DNAH9: variants seen among roughly 807,000 people sequenced by gnomAD.
DNAH9 encodes DNAH9 variant protein.
Under a neutral mutation model 471.6 loss-of-function variants are expected in DNAH9, and 345 were observed. That is an observed-to-expected ratio of 0.73 (90% confidence interval 0.67 to 0.80). The LOEUF (loss-of-function observed/expected upper bound fraction) is 0.80, where lower values mean the gene tolerates loss of function less well. Among genes scored for constraint, DNAH9 ranks in the 30% least tolerant of loss-of-function variants. The pLI, the probability that DNAH9 is intolerant of heterozygous loss-of-function variation, is 0.00. For missense variants in DNAH9, 5,407 were observed against 5,609.2 expected (o/e 0.96, Z 1.15); for synonymous variants, 2,093 against 2,123.6 (o/e 0.99, Z 0.40).
chr17:11,728,005 C>A (rs899017554), intron 28 of DNAH9, 83 bp downstream of exon 28: 21 of 865,528 alleles, frequency 2.4e-5, no homozygotes, highest in South Asian at 2.7e-5. Context: ...TTCTACCTCT[C>A]CTGAGCATCT....
intron 26 of DNAH9, among the ~76,000 whole-genome samples, chr17:11,708,614 C>T (rs2074773388): frequency 6.6e-6 from 1 of 152,102 alleles, no homozygotes; most frequent in African/African-American, 2.4e-5. Context: ...AAGTGGTTCC[C>T]ACCTTTTCAT....
chr17:11,830,834 A>C (rs57240335), intron 48 of DNAH9, among the ~76,000 whole-genome samples: 2 of 152,048 alleles, frequency 1.3e-5, no homozygotes, highest in Non-Finnish European at 2.9e-5. Flanking sequence ...TGGTTTTCCC[A>C]TAGCTGAAGA....
chr17:11,703,597 A>G (rs749791065), intron 24 of DNAH9, among the ~76,000 whole-genome samples: 3 of 152,260 alleles, frequency 2.0e-5, no homozygotes, highest in Non-Finnish European at 4.4e-5. Flanking sequence ...ATGTATTTCA[A>G]TTGCTTTTTC....
At chr17:11,859,230 T>TG (rs1971741138) in intron 50 of DNAH9, among the ~76,000 whole-genome samples, 1 of 151,760 alleles carries the variant, frequency 6.6e-6, no homozygotes, top group Admixed American at 6.6e-5. Flanking sequence ...TCGGCCCACA[T>TG]GGTGAAACCC....
chr17:11,936,642 A>T (rs1162530713), intron 65 of DNAH9, among the ~76,000 whole-genome samples: 4 of 152,114 alleles, frequency 2.6e-5, no homozygotes, highest in African/African-American at 9.6e-5. Context: ...AGCCTGTCTC[A>T]CACACACACA....
chr17:11,679,857 C>T lies in DNAH9; in HGVS notation c.3454C>T (p.Leu1152Phe), dbSNP rs1454119078. 1 of 1,613,972 alleles carries T rather than the reference C, an allele frequency of 6.2e-7. No homozygotes were observed. The highest frequency in any genetic ancestry group is 2.2e-5 in the East Asian group (1 of 44,864). ...FQGLVEIMGH[L>F]MAVKERQSNT... ...AGGCTTGGTTGAGATCATGGGACAC[C>T]TTATGGCTGTTAAAGAACGGCAGAG... Residue 1152 changes from leucine (L) to phenylalanine (F), a missense_variant, in exon 18 of 69, where the codon CTT becomes TTT. Physicochemically the swap from Leu to Phe is conservative, Grantham distance 22. This residue lies in a region of DNAH9 where 4,636 missense variants were observed against 4,900.3 expected (regional missense o/e 0.95). Transcript: ENST00000262442.
At chr17:11,693,069 CTTTTTTT>C (rs35936347) in intron 20 of DNAH9, among the ~76,000 whole-genome samples, 1 of 101,336 alleles carries the variant, frequency 9.9e-6, no homozygotes, top group African/African-American at 3.7e-5. Flanking sequence ...CCATGACCGG[CTTTTTTT>C]TTTTTTTTTT....
intron 39 of DNAH9, among the ~76,000 whole-genome samples, chr17:11,782,204 A>T (rs1455728779): frequency 6.6e-6 from 1 of 152,176 alleles, no homozygotes; most frequent in African/African-American, 2.4e-5. Context: ...CTGACATCTG[A>T]GCAGCTTAAT....
intron 41 of DNAH9, among the ~76,000 whole-genome samples, chr17:11,793,142 A>G (rs980001141): frequency 1.3e-5 from 2 of 152,242 alleles, no homozygotes; most frequent in African/African-American, 4.8e-5. Flanking sequence ...AATTTGAATT[A>G]TTTAGACAAC....
chr17:11,851,249 T>A (rs1367845669), intron 49 of DNAH9, among the ~76,000 whole-genome samples: 1 of 152,170 alleles, frequency 6.6e-6, no homozygotes, highest in East Asian at 1.9e-4. Context: ...TCAGAGTAGC[T>A]GGGGTTACAG....
chr17:11,924,616 C>CTTTTTTTTTTTT (rs756191140), intron 62 of DNAH9, among the ~76,000 whole-genome samples: 8 of 91,958 alleles, frequency 8.7e-5, no homozygotes, highest in Admixed American at 1.4e-4. Flanking sequence ...ACTACTAACT[C>CTTTTTTTTTTTT]TTTTTTTTTT....
At chr17:11,724,653 T>A (rs2075121743) in intron 27 of DNAH9, among the ~76,000 whole-genome samples, 1 of 152,224 alleles carries the variant, frequency 6.6e-6, no homozygotes, top group Non-Finnish European at 1.5e-5. Flanking sequence ...GAATTTCCAC[T>A]TAGTATTTGT....
At chr17:11,603,688 C>T (rs8067905) in intron 1 of DNAH9, among the ~76,000 whole-genome samples, 33,988 of 152,092 alleles carry the variant, frequency 0.22, 4,444 homozygotes, top group East Asian at 0.55. Context: ...ATGTTTATGA[C>T]CCCCTTCATA....
At chr17:11,961,170 C>T (rs1278426694) in intron 67 of DNAH9, among the ~76,000 whole-genome samples, 1 of 151,930 alleles carries the variant, frequency 6.6e-6, no homozygotes, top group Non-Finnish European at 1.5e-5. Flanking sequence ...CAAAAATTAG[C>T]CGGGTGTGGT....
rs1464001568 is a variant in DNAH9, at chr17:11,653,017, A to G, written c.2595+15A>G. The stretch of plus-strand genomic sequence containing the variant: ...CCCTTGTTCAGGTAATAACCCAGCC[A>G]CTCAGGCGCACATACTACGAGTTTA... On this transcript the variant is annotated intron_variant, in intron 14 of 68. Coordinates refer to ENST00000262442, the MANE Select transcript of DNAH9 (RefSeq NM_001372.4). 6.2e-7 allele frequency: 1 copy of G among 1,612,196 alleles called. No individual in the cohort carries two copies.
chr17:11,694,116 C>T lies in DNAH9; in HGVS notation c.4745+118C>T, dbSNP rs75949948. On this transcript the variant is annotated intron_variant, in intron 21 of 68. Transcript: ENST00000262442. ...GTGCCTTGCATGTCCCTTTCTTTGC[C>T]TGTGTGTTTGGGTAGCATGGGGCAT... 4.4e-3 allele frequency: 6,109 copies of T among 1,378,102 alleles called. 233 individuals carry two copies. The African/African-American group carries it at 0.076, about 17-fold the overall frequency. The allele number at this position is 1,378,102 out of a possible 1,614,324, so 85.4% of individuals were successfully genotyped here.
intron 33 of DNAH9, among the ~76,000 whole-genome samples, chr17:11,753,925 C>T (rs1398775046): frequency 1.3e-5 from 2 of 152,082 alleles, no homozygotes; most frequent in African/African-American, 4.8e-5. Context: ...GTACTAAGTT[C>T]AGTACCAATA....
In DNAH9 at chr17:11,608,089, T is replaced by G. The variant is rs2072547621; in HGVS notation, c.418-40T>G. ...GAGGATTTCTTTAAGTTCTCAGAAT[T>G]GGAACACCTGCCTTTCTTTCCTGTG... On this transcript the variant is annotated intron_variant, in intron 1 of 68. Transcript: ENST00000262442. The G allele has an allele frequency of 5.5e-6, 8 of 1,462,870 alleles. No individual in the cohort carries two copies. The East Asian group carries it at 1.8e-4, about 34-fold the overall frequency. 90.6% of individuals were successfully genotyped at this position (1,462,870 alleles called of 1,614,324 possible).
chr17:11,699,648 C>T (rs569672268), intron 22 of DNAH9, 83 bp from the exon 23 acceptor site: 1 of 1,255,930 alleles, frequency 8.0e-7, no homozygotes, highest in South Asian at 1.3e-5. Context: ...ACAATGATTG[C>T]CACATGGTAG....
Sources: allele counts gnomAD v4.1 joint callset (sites outside exome capture counted in the v4.1 genomes callset), GRCh38; gene constraint gnomAD v4.1.1; regional missense constraint gnomAD v4.1.1; transcripts MANE v1.5; gene names NCBI Gene and HGNC (gene_info 2026-07-23, HGNC 2026-07-21).